Variants in DOCK4 observed in about 807,000 individuals in gnomAD.
DOCK4 encodes the protein dedicator of cytokinesis 4, also known as dedicator of cytokinesis protein 4.
A neutral mutation model predicts 268.1 loss-of-function variants in DOCK4; 97 were observed. That is an observed-to-expected ratio of 0.36 (90% CI 0.31 to 0.43). The LOEUF (loss-of-function observed/expected upper bound fraction) is 0.43, where lower values mean the gene tolerates loss of function less well. Ranked by LOEUF, DOCK4 falls within the 20% of genes least tolerant of loss-of-function variation. The pLI, the probability that DOCK4 is intolerant of heterozygous loss-of-function variation, is 1.00. For synonymous variants in DOCK4, 954 were observed against 887.2 expected (o/e 1.08, Z -1.34); for missense variants, 2,145 against 2,455.7 (o/e 0.87, Z 2.67).
intron 47 of DOCK4, 66 bp from the exon 48 acceptor site, chr7:111,739,543 G>T: frequency 7.4e-7 from 1 of 1,351,026 alleles, no homozygotes; most frequent in African/African-American, 1.5e-5. Flanking sequence ...TGACGTATTT[G>T]AAACAAAATC....
intron 12 of DOCK4, among the ~76,000 whole-genome samples, chr7:111,926,551 A>C (rs918110799): frequency 1.3e-4 from 20 of 148,516 alleles, no homozygotes; most frequent in Admixed American, 4.7e-4. Context: ...AAGAGAAAGA[A>C]AGGAAGGAAG....
intron 8 of DOCK4, chr7:111,971,944 G>A: frequency 6.0e-6 from 1 of 166,938 alleles, no homozygotes; most frequent in Admixed American, 6.1e-5. Context: ...TTGGCCTCCT[G>A]CTTTTTCAAG....
chr7:111,865,903 C>A (rs1805938858), intron 22 of DOCK4, among the ~76,000 whole-genome samples: 1 of 152,212 alleles, frequency 6.6e-6, no homozygotes, highest in Non-Finnish European at 1.5e-5. Flanking sequence ...GAAATGCAGA[C>A]ATTAGTCTTC....
At chr7:111,924,402 G>A (rs1793424792) in intron 12 of DOCK4, among the ~76,000 whole-genome samples, 1 of 152,120 alleles carries the variant, frequency 6.6e-6, no homozygotes, top group African/African-American at 2.4e-5. Context: ...CTCTCCTGGT[G>A]AGATACCATA....
rs541160685 is a variant in DOCK4, at chr7:112,171,702, A to T, written c.37+34400T>A. 3.9e-5 allele frequency among the ~76,000 whole-genome samples: 6 copies of T among 152,304 alleles called. 1 individual carries two copies. The East Asian group carries it at 1.2e-3, about 29-fold the overall frequency. The stretch of plus-strand genomic sequence containing the variant: ...TCATATCCACATTGACATTTTCTCC[A>T]CATCAGTAATTATAGTTGGAAAGTA... On this transcript the variant is annotated intron_variant, in intron 1 of 52. Coordinates refer to ENST00000428084, the MANE Select transcript of DOCK4 (RefSeq NM_001363540.2).
At chr7:112,118,292 T>C (rs1345577321) in intron 1 of DOCK4, among the ~76,000 whole-genome samples, 2 of 152,168 alleles carry the variant, frequency 1.3e-5, no homozygotes, top group Non-Finnish European at 2.9e-5. Flanking sequence ...CTCCTTCTTG[T>C]ATTTTAGAGA....
intron 1 of DOCK4, among the ~76,000 whole-genome samples, chr7:112,131,825 T>TG (rs1765259105): frequency 6.6e-6 from 1 of 152,166 alleles, no homozygotes; most frequent in African/African-American, 2.4e-5. Flanking sequence ...AAAGTGGGGT[T>TG]GTAACACACT....
intron 17 of DOCK4, among the ~76,000 whole-genome samples, chr7:111,875,445 C>G (rs1277920258): frequency 6.6e-6 from 1 of 152,150 alleles, no homozygotes; most frequent in Non-Finnish European, 1.5e-5. Flanking sequence ...GTTAGGTTTA[C>G]CTGTGTGGTA....
At position 111,920,498 on chromosome 7, in the gene DOCK4, G is replaced by C. The variant is rs190027510; in HGVS notation, c.1067-4594C>G. 2.6e-5 allele frequency among the ~76,000 whole-genome samples: 4 copies of C among 152,168 alleles called. No homozygotes were observed. In the East Asian group the frequency reaches 7.7e-4, roughly 29 times the overall value. ...CCTGAGATTAGCCCTGTCTTTTCAG[G>C]GTTATGACACAGGGCATGTTTGGAG... is the stretch of plus-strand genomic sequence containing the variant. On this transcript the variant is annotated intron_variant, in intron 12 of 52. Transcript: ENST00000428084.
intron 1 of DOCK4, among the ~76,000 whole-genome samples, chr7:112,181,432 T>C (rs533738149): frequency 6.6e-6 from 1 of 152,156 alleles, no homozygotes; most frequent in African/African-American, 2.4e-5. Context: ...GGCAGGAGGA[T>C]GGCTTGAGGC....
At chr7:112,104,604 C>G (rs1810975863) in intron 1 of DOCK4, among the ~76,000 whole-genome samples, 1 of 152,162 alleles carries the variant, frequency 6.6e-6, no homozygotes, top group African/African-American at 2.4e-5. Context: ...CGCCTCATCT[C>G]CTGTATTGGA....
At chr7:111,806,322 C>T (rs138515717) in intron 30 of DOCK4, among the ~76,000 whole-genome samples, 3 of 152,292 alleles carry the variant, frequency 2.0e-5, no homozygotes, top group South Asian at 2.1e-4. Flanking sequence ...AATTATTCTT[C>T]TCCTCATTTT....
At chr7:111,805,534 C>G (rs1259080081) in intron 30 of DOCK4, among the ~76,000 whole-genome samples, 2 of 152,156 alleles carry the variant, frequency 1.3e-5, no homozygotes, top group East Asian at 1.9e-4. Context: ...TAAACATAAG[C>G]AGTTCTAGGT....
chr7:112,203,826 TACACACACACAC>T (rs3056587), intron 1 of DOCK4, among the ~76,000 whole-genome samples: 9,624 of 146,950 alleles, frequency 0.065, 430 homozygotes, highest in South Asian at 0.13. Context: ...AAAATTTCAC[TACACACACACAC>T]ACACACACAC....
chr7:112,118,999 C>G (rs563779303), intron 1 of DOCK4, among the ~76,000 whole-genome samples: 7 of 152,164 alleles, frequency 4.6e-5, no homozygotes, highest in East Asian at 3.9e-4. Context: ...AATTGTGTAT[C>G]TATGTGAAAA....
chr7:112,128,223 T>A (rs1043693484), intron 1 of DOCK4, among the ~76,000 whole-genome samples: 1 of 152,298 alleles, frequency 6.6e-6, no homozygotes, highest in Admixed American at 6.5e-5. Context: ...AGTGTTAAAT[T>A]ACTCTCCCCT....
chr7:112,039,373 T>G (rs977779479), intron 1 of DOCK4, among the ~76,000 whole-genome samples: 2 of 122,316 alleles, frequency 1.6e-5, no homozygotes, highest in Admixed American at 8.3e-5. Flanking sequence ...GGATTTCATA[T>G]GGGGGGGGGG....
At chr7:112,008,242 T>C (rs758995536) in intron 1 of DOCK4, among the ~76,000 whole-genome samples, 5 of 152,218 alleles carry the variant, frequency 3.3e-5, no homozygotes, top group Non-Finnish European at 7.3e-5. Flanking sequence ...GATGTGTTCA[T>C]CTCTGCCCAT....
intron 16 of DOCK4, among the ~76,000 whole-genome samples, chr7:111,895,143 G>A (rs1030403684): frequency 2.6e-5 from 4 of 151,932 alleles, no homozygotes; most frequent in Non-Finnish European, 4.4e-5. Context: ...TGTTTTTTAT[G>A]ACAATTCTTG....
Sources: allele counts gnomAD v4.1 joint callset (sites outside exome capture counted in the v4.1 genomes callset), GRCh38; gene constraint gnomAD v4.1.1; transcripts MANE v1.5; gene names NCBI Gene and HGNC (gene_info 2026-07-23, HGNC 2026-07-21).